The following OPCML variants were observed in gnomAD, a reference collection of about 807,000 sequenced individuals.
OPCML encodes the protein opioid binding protein/cell adhesion molecule like.
Under a neutral mutation model 37.8 loss-of-function variants are expected in OPCML, and 13 were observed. The ratio of observed to expected loss-of-function variants is 0.34; its 90% confidence interval spans 0.22 to 0.55. The LOEUF is 0.55. Among genes scored for constraint, OPCML ranks in the 20% least tolerant of loss-of-function variants. OPCML has a pLI of 0.91. For missense variants in OPCML, 341 were observed against 435.6 expected (o/e 0.78, Z 1.93); for synonymous variants, 176 against 168.8 (o/e 1.04, Z -0.33).
intron 4 of OPCML, among the ~76,000 whole-genome samples, chr11:132,527,630 A>G (rs1453703137): frequency 6.6e-6 from 1 of 152,036 alleles, no homozygotes; most frequent in African/African-American, 2.4e-5. Context: ...TTTGTCAAAT[A>G]TATGTACAAG....
chr11:133,148,887 A>C (rs190724272), intron 1 of OPCML, among the ~76,000 whole-genome samples: 7 of 152,190 alleles, frequency 4.6e-5, no homozygotes, highest in Non-Finnish European at 8.8e-5. Context: ...AGAGTGATGG[A>C]CTGGGCAGGC....
intron 1 of OPCML, among the ~76,000 whole-genome samples, chr11:133,042,578 G>T (rs187731891): frequency 6.6e-6 from 1 of 152,170 alleles, no homozygotes; most frequent in African/African-American, 2.4e-5. Flanking sequence ...CCCAAACACA[G>T]TTCCCACACT....
At chr11:132,651,635 A>C (rs1427875646) in intron 3 of OPCML, among the ~76,000 whole-genome samples, 2 of 152,172 alleles carry the variant, frequency 1.3e-5, no homozygotes, top group South Asian at 2.1e-4. Context: ...TACTTAGTGC[A>C]CCCAATGCTG....
At position 133,153,082 on chromosome 11, in the gene OPCML, G is replaced by A. The variant is rs530745016; in HGVS notation, c.62-210072C>T. Among the ~76,000 whole-genome samples, 11 of 152,236 alleles carry A rather than the reference G, an allele frequency of 7.2e-5. No individual in the cohort carries two copies. The East Asian group carries it at 1.9e-3, about 27-fold the overall frequency. On this transcript the variant is annotated intron_variant, in intron 1 of 7. Coordinates refer to ENST00000524381, the MANE Select transcript of OPCML (RefSeq NM_001012393.5). ...GGGGCACCGCGAGGGTCTTGTGGGCGGCTCTGGAGGAGTTTCGCTTTGGCA... is the reference window on the plus strand; with the variant it reads ...GGGGCACCGCGAGGGTCTTGTGGGCAGCTCTGGAGGAGTTTCGCTTTGGCA...
intron 1 of OPCML, among the ~76,000 whole-genome samples, chr11:133,043,776 G>T (rs116216247): frequency 1.3e-5 from 2 of 152,166 alleles, no homozygotes; most frequent in Non-Finnish European, 2.9e-5. Flanking sequence ...ACGAGATAAA[G>T]CCAGACAAAT....
chr11:133,410,319 T>C (rs1214949356), intron 1 of OPCML, among the ~76,000 whole-genome samples: 4 of 152,286 alleles, frequency 2.6e-5, no homozygotes, highest in Admixed American at 2.6e-4. Flanking sequence ...CAAATTCATC[T>C]GACGACCCTA....
At chr11:132,552,500 TG>T (rs1207018209) in intron 3 of OPCML, among the ~76,000 whole-genome samples, 1 of 152,208 alleles carries the variant, frequency 6.6e-6, no homozygotes, top group Non-Finnish European at 1.5e-5. Flanking sequence ...TGTTATTGTT[TG>T]TTTGTTTTGT....
intron 1 of OPCML, among the ~76,000 whole-genome samples, chr11:133,224,439 C>A (rs977020070): frequency 6.6e-6 from 1 of 152,322 alleles, no homozygotes; most frequent in Admixed American, 6.5e-5. Context: ...CCTGTCACTG[C>A]ACCACTCTTA....
At chr11:132,694,997 T>C (rs1032902780) in intron 2 of OPCML, among the ~76,000 whole-genome samples, 4 of 152,212 alleles carry the variant, frequency 2.6e-5, no homozygotes, top group African/African-American at 4.8e-5. Context: ...AATGCATACC[T>C]TCAAAGATCT....
intron 1 of OPCML, among the ~76,000 whole-genome samples, chr11:133,001,995 T>C (rs562826114): frequency 5.3e-5 from 8 of 152,254 alleles, no homozygotes; most frequent in African/African-American, 1.9e-4. Flanking sequence ...AACTTAACTT[T>C]TGACAAACAG....
chr11:133,210,315 C>T (rs1442247229), intron 1 of OPCML, among the ~76,000 whole-genome samples: 2 of 152,060 alleles, frequency 1.3e-5, no homozygotes, highest in African/African-American at 4.8e-5. Context: ...AAAATGAAGG[C>T]AAATGGACAT....
At chr11:132,870,259 C>A (rs1395575849) in intron 2 of OPCML, among the ~76,000 whole-genome samples, 2 of 152,192 alleles carry the variant, frequency 1.3e-5, no homozygotes, top group East Asian at 3.9e-4. Flanking sequence ...AGATTACTGC[C>A]TCCATCCTGC....
intron 2 of OPCML, among the ~76,000 whole-genome samples, chr11:132,741,003 T>C (rs957681211): frequency 6.6e-6 from 1 of 152,150 alleles, no homozygotes; most frequent in Admixed American, 6.5e-5. Context: ...AAGCTCAAAG[T>C]TCAAATCCAG....
chr11:132,984,034 T>C (rs1946640637), intron 1 of OPCML, among the ~76,000 whole-genome samples: 1 of 152,214 alleles, frequency 6.6e-6, no homozygotes, highest in Non-Finnish European at 1.5e-5. Context: ...ATTCTACCTC[T>C]ACTACTAGAA....
Position 133,212,196 on chromosome 11 carries a change from C to G in OPCML, c.62-269186G>C, listed in dbSNP as rs1939391109. ...CATAATGACCAATCAATCAACCAAA[C>G]CAGCAAGGACAACAACAAAAGCAAT... On this transcript the variant is annotated intron_variant, in intron 1 of 7. Coordinates refer to ENST00000524381, the MANE Select transcript of OPCML (RefSeq NM_001012393.5). The surrounding 1 kb of genome is among the most constrained non-coding windows in gnomAD (Gnocchi z 4.9). Among the ~76,000 whole-genome samples the G allele has an allele frequency of 6.6e-6, 1 of 152,152 alleles. No homozygotes were observed. The highest frequency in any genetic ancestry group is 1.5e-5 in the Non-Finnish European group (1 of 68,028).
chr11:133,267,829 T>C (rs1002666492), intron 1 of OPCML, among the ~76,000 whole-genome samples: 1 of 152,178 alleles, frequency 6.6e-6, no homozygotes, highest in African/African-American at 2.4e-5. Flanking sequence ...CTGCACACGC[T>C]CTCTTGCCTG....
chr11:133,521,528 G>A lies in OPCML; in HGVS notation c.61+10736C>T, dbSNP rs149886056. ...AGTATCCATTGACTCTCAAGAATTCGCACCAAACAAAAGGAGGGTGGGGCC... is the reference window on the plus strand; with the variant it reads ...AGTATCCATTGACTCTCAAGAATTCACACCAAACAAAAGGAGGGTGGGGCC... On this transcript the variant is annotated intron_variant, in intron 1 of 7. Coordinates refer to ENST00000524381, the MANE Select transcript of OPCML (RefSeq NM_001012393.5). Among the ~76,000 whole-genome samples the A allele has an allele frequency of 4.1e-4, 63 of 152,272 alleles. 1 individual carries two copies. The East Asian group carries it at 9.7e-3, about 23-fold the overall frequency.
intron 3 of OPCML, among the ~76,000 whole-genome samples, chr11:132,629,773 G>A (rs1177682466): frequency 1.3e-5 from 2 of 151,962 alleles, no homozygotes; most frequent in Non-Finnish European, 2.9e-5. Context: ...AAGAAAACTG[G>A]AAAACATATT....
intron 3 of OPCML, among the ~76,000 whole-genome samples, chr11:132,535,250 T>C (rs1372489053): frequency 6.6e-6 from 1 of 152,056 alleles, no homozygotes; most frequent in Non-Finnish European, 1.5e-5. Context: ...AATTTCCTCC[T>C]CTTAAACTGA....
Sources: allele counts gnomAD v4.1 joint callset (sites outside exome capture counted in the v4.1 genomes callset), GRCh38; gene constraint gnomAD v4.1.1; non-coding constraint Gnocchi (gnomAD v3.1); transcripts MANE v1.5; gene names NCBI Gene and HGNC (gene_info 2026-07-23, HGNC 2026-07-21).